The following GAN variants were observed in gnomAD, a reference collection of about 807,000 sequenced individuals.
GAN encodes the protein epididymis secretory sperm binding protein.
In GAN, 48 loss-of-function variants were observed where a neutral mutation model predicts 71.3. The ratio of observed to expected loss-of-function variants is 0.67; its 90% CI spans 0.53 to 0.86. GAN has a LOEUF of 0.86. GAN is among the 40% of genes least tolerant of loss of function. The probability of loss-of-function intolerance (pLI) is 0.00; values close to 1 mark genes in which losing one functional copy is unlikely to be tolerated. For synonymous variants in GAN, 386 were observed against 276.8 expected (o/e 1.39, Z -3.92); for missense variants, 928 against 770.1 (o/e 1.21, Z -2.43).
At chr16:81,369,850 A>T (rs1362895978) in intron 9 of GAN, among the ~76,000 whole-genome samples, 1 of 152,038 alleles carries the variant, frequency 6.6e-6, no homozygotes, top group African/African-American at 2.4e-5. Flanking sequence ...GATTACAGGC[A>T]TGAGCCACCG....
chr16:81,365,790 C>T (rs1910837206), intron 9 of GAN, among the ~76,000 whole-genome samples: 1 of 151,874 alleles, frequency 6.6e-6, no homozygotes, highest in Non-Finnish European at 1.5e-5. Flanking sequence ...TGGCTCACAC[C>T]TGTAGTCTCA....
chr16:81,319,155 C>G (rs978417184), intron 1 of GAN, among the ~76,000 whole-genome samples: 9 of 149,374 alleles, frequency 6.0e-5, no homozygotes, highest in Non-Finnish European at 1.0e-4. Context: ...CTGCAGCCTG[C>G]CTGGGTGACA....
chr16:81,372,920 C>T (rs1433733970), intron 9 of GAN, among the ~76,000 whole-genome samples: 1 of 152,186 alleles, frequency 6.6e-6, no homozygotes, highest in Non-Finnish European at 1.5e-5. Flanking sequence ...ATTTGGGAGG[C>T]AGGGGCCAAA....
Position 81,356,959 on chromosome 16 carries a change from G to C in GAN, c.808G>C (p.Gly270Arg). The C allele has an allele frequency of 1.2e-6, 2 of 1,613,430 alleles. No individual in the cohort carries two copies. Among genetic ancestry groups the C allele is most frequent in the Non-Finnish European group, 1.7e-6 (2 of 1,179,728 alleles). ...EAMLANFKPR[G>R]YSECIVTVGG... ...GATGCTGGCCAACTTCAAACCCCGG[G>C]GCTACTCTGAGTGCATCGTGACTGT... The change falls in exon 4 of 11, where the codon GGC (glycine) becomes CGC (arginine). Residue 270 changes from glycine (G) to arginine (R), a missense_variant. By Grantham distance (125) the Gly-to-Arg change is moderately radical. Transcript: ENST00000648994.
At chr16:81,370,976 A>G (rs1911019820) in intron 9 of GAN, among the ~76,000 whole-genome samples, 5 of 142,156 alleles carry the variant, frequency 3.5e-5, no homozygotes, top group Admixed American at 3.5e-4. Context: ...GGACATGCTG[A>G]TATGTTTTAT....
rs190481600 is a variant in GAN at position 81,346,721 on chromosome 16, G to A, written c.168-4862G>A. ...AAGATGCCTGAGAAAGCTGTTCATG[G>A]GAAGGTACTTGAAGGAGGCTCTGGG... On this transcript the variant is annotated intron_variant, in intron 1 of 10. Transcript: ENST00000648994. Among the ~76,000 whole-genome samples, 7 of 152,260 alleles carry A rather than the reference G, an allele frequency of 4.6e-5. No individual in the cohort carries two copies. In the East Asian group the frequency reaches 1.4e-3, roughly 29 times the overall value.
At chr16:81,332,330 C>G (rs1169024600) in intron 1 of GAN, among the ~76,000 whole-genome samples, 1 of 152,174 alleles carries the variant, frequency 6.6e-6, no homozygotes, top group South Asian at 2.1e-4. Context: ...GTTTCAGCAA[C>G]TGGGCTTGTG....
chr16:81,333,097 G>T (rs1371591955), intron 1 of GAN, among the ~76,000 whole-genome samples: 1 of 151,990 alleles, frequency 6.6e-6, no homozygotes, highest in Non-Finnish European at 1.5e-5. Flanking sequence ...ACAAAAATTA[G>T]CCAGGTAGGT....
Position 81,354,552 on chromosome 16 carries a change from T to C in GAN, c.430T>C (p.Tyr144His). 1 of 1,614,100 alleles carries C rather than the reference T, an allele frequency of 6.2e-7. No individual in the cohort carries two copies. Residue 144 changes from tyrosine (Y) to histidine (H), a missense_variant, in exon 3 of 11, where the codon TAC becomes CAC. Physicochemically the swap from Tyr to His is moderately conservative, Grantham distance 83 (BLOSUM62 2). Coordinates refer to ENST00000648994, the MANE Select transcript of GAN (RefSeq NM_022041.4). ...TGGTATCCGTGACTTTGCACTACAT[T>C]ACTGCCTCCATCACGTTCATTACCT... ...CIGIRDFALH[Y>H]CLHHVHYLAT... is the part of the protein sequence containing the mutation.
chr16:81,332,243 G>A (rs535141645), intron 1 of GAN, among the ~76,000 whole-genome samples: 56 of 152,260 alleles, frequency 3.7e-4, no homozygotes, highest in Middle Eastern at 3.4e-3. Flanking sequence ...CAACGGTGGT[G>A]GGTAAACCAG....
intron 1 of GAN, among the ~76,000 whole-genome samples, chr16:81,321,723 T>C (rs1458185014): frequency 6.6e-6 from 1 of 152,232 alleles, no homozygotes; most frequent in Non-Finnish European, 1.5e-5. Context: ...ATCATCCTTC[T>C]GAAAGACACA....
At position 81,365,915 on chromosome 16, in the gene GAN, C is replaced by T. The variant is rs372718097; in HGVS notation, c.1502+437C>T. Among the ~76,000 whole-genome samples, 6 of 152,218 alleles carry T rather than the reference C, an allele frequency of 3.9e-5. 1 individual carries two copies. Among genetic ancestry groups the T allele is most frequent in the African/African-American group, 1.4e-4 (6 of 41,516 alleles). ...AAAATAAATAAACTCCTTAACTTAG[C>T]ATATATAGCCTTTTGTGATATGGCC... On this transcript the variant is annotated intron_variant, in intron 9 of 10. Coordinates refer to ENST00000648994, the MANE Select transcript of GAN (RefSeq NM_022041.4).
chr16:81,357,065 AAGAATTCATAAT>A, intron 4 of GAN, 63 bp downstream of exon 4: 1 of 971,332 alleles, frequency 1.0e-6, no homozygotes, highest in African/African-American at 1.6e-5. Context: ...CCATGTAAAC[AAGAATTCATAAT>A]GCTTTTCAGT....
intron 5 of GAN, 110 bp from the exon 6 acceptor site, chr16:81,362,389 A>G (rs1910703525): frequency 1.4e-6 from 1 of 727,352 alleles, no homozygotes; most frequent in South Asian, 1.5e-5. Context: ...TCCAAAGAGA[A>G]CATTGTTGTC....
rs1446269562 is a variant in GAN, at chr16:81,365,439, T to G, written c.1463T>G (p.Val488Gly). The G allele has an allele frequency of 1.2e-6, 2 of 1,613,638 alleles. No individual in the cohort carries two copies. The highest frequency in any genetic ancestry group is 1.7e-4 in the Middle Eastern group (1 of 6,060). Residue 488 changes from valine (V) to glycine (G), a missense_variant, in exon 9 of 11, where the codon GTA (valine) becomes GGA (glycine). Val to Gly is a moderately radical substitution (Grantham distance 109). Transcript: ENST00000648994. ...SREDAQGSEM[V>G]TCKSEFYHDE... ...GAGGACGCCCAGGGTAGCGAGATGG[T>G]AACTTGCAAGTCCGAGTTCTACCAT...
chr16:81,354,481 T>C lies in GAN; in HGVS notation c.359T>C (p.Leu120Pro), dbSNP rs762300322. The change falls in exon 3 of 11, where the codon CTG becomes CCG. Residue 120 changes from leucine to proline, a missense_variant. Transcript: ENST00000648994. The part of the protein sequence containing the change: ...DLLLLTDLKT[L>P]CCEFLEGCIA... Reference sequence around the variant, plus strand: ...CTGCTACTGACGGACCTTAAAACCCTGTGCTGTGAGTTTTTGGAAGGCTGC... The same window carrying C: ...CTGCTACTGACGGACCTTAAAACCCCGTGCTGTGAGTTTTTGGAAGGCTGC... The C allele has an allele frequency of 6.2e-7, 1 of 1,614,096 alleles. No homozygotes were observed. The highest frequency in any genetic ancestry group is 8.5e-7 in the Non-Finnish European group (1 of 1,179,902).
intron 1 of GAN, among the ~76,000 whole-genome samples, chr16:81,319,875 A>G (rs1362066690): frequency 6.6e-6 from 1 of 152,164 alleles, no homozygotes; most frequent in Non-Finnish European, 1.5e-5. Context: ...TTTAAGTCTA[A>G]GTTATGTAGC....
intron 7 of GAN, 98 bp from the exon 8 acceptor site, chr16:81,364,876 C>CTAAAT: frequency 8.2e-7 from 1 of 1,220,520 alleles, no homozygotes; most frequent in South Asian, 1.2e-5. Context: ...AAACCCCTTC[C>CTAAAT]TAAATCTCTT....
chr16:81,334,130 T>C (rs1424117241), intron 1 of GAN, among the ~76,000 whole-genome samples: 6 of 152,224 alleles, frequency 3.9e-5, no homozygotes, highest in African/African-American at 4.8e-5. Context: ...ACAAATGTAA[T>C]TGGACATGGT....
Sources: allele counts gnomAD v4.1 joint callset (sites outside exome capture counted in the v4.1 genomes callset), GRCh38; gene constraint gnomAD v4.1.1; transcripts MANE v1.5; gene names NCBI Gene and HGNC (gene_info 2026-07-23, HGNC 2026-07-21).